Variants in STXBP5L observed in about 807,000 individuals in gnomAD.
The protein encoded by STXBP5L is syntaxin-binding protein 5-like.
A neutral mutation model predicts 144.5 loss-of-function variants in STXBP5L; 65 were observed. That is an observed-to-expected ratio of 0.45 (90% CI 0.37 to 0.55). STXBP5L has a LOEUF of 0.55. Among genes scored for constraint, STXBP5L ranks in the 20% least tolerant of loss-of-function variants. The pLI, the probability that STXBP5L is intolerant of heterozygous loss-of-function variation, is 0.00. For synonymous variants in STXBP5L, 505 were observed against 469.6 expected (o/e 1.08, Z -0.97); for missense variants, 1,298 against 1,405.5 (o/e 0.92, Z 1.22).
At chr3:121,200,567 T>A (rs1365585102) in intron 9 of STXBP5L, among the ~76,000 whole-genome samples, 1 of 152,182 alleles carries the variant, frequency 6.6e-6, no homozygotes, top group Non-Finnish European at 1.5e-5. Flanking sequence ...TTCATTGTGA[T>A]GTTAGTGTGT....
At chr3:121,410,479 C>A (rs922863994) in intron 23 of STXBP5L, among the ~76,000 whole-genome samples, 1 of 152,024 alleles carries the variant, frequency 6.6e-6, no homozygotes, top group Non-Finnish European at 1.5e-5. Flanking sequence ...ATGAATCCTA[C>A]AAATTAGCAT....
chr3:120,911,772 A>G lies in STXBP5L; in HGVS notation c.189+2005A>G, dbSNP rs139488246. 1.1e-4 allele frequency among the ~76,000 whole-genome samples: 17 copies of G among 152,166 alleles called. No individual in the cohort carries two copies. In the East Asian group the frequency reaches 3.1e-3, roughly 28 times the overall value. On this transcript the variant is annotated intron_variant, in intron 2 of 26. Coordinates refer to ENST00000471454, the MANE Select transcript of STXBP5L (RefSeq NM_001308330.2). ...TACTAAATGTGGAAAATACTGTAAC[A>G]TCTTTGGATAGGAATATAGTTAATT... is the stretch of plus-strand genomic sequence containing the variant.
intron 5 of STXBP5L, among the ~76,000 whole-genome samples, chr3:121,096,711 CT>C (rs1469871603): frequency 6.6e-6 from 1 of 151,992 alleles, no homozygotes; most frequent in Non-Finnish European, 1.5e-5. Flanking sequence ...GTTTTTTCCT[CT>C]GGAATCTTTG....
intron 5 of STXBP5L, among the ~76,000 whole-genome samples, chr3:121,073,182 C>G (rs1051186694): frequency 6.6e-6 from 1 of 152,200 alleles, no homozygotes; most frequent in African/African-American, 2.4e-5. Flanking sequence ...CCACTGTTTC[C>G]ACACAACAGT....
chr3:121,264,575 G>A (rs1323486074), intron 18 of STXBP5L, among the ~76,000 whole-genome samples: 1 of 151,976 alleles, frequency 6.6e-6, no homozygotes, highest in African/African-American at 2.4e-5. Context: ...CAACTAACAG[G>A]CAAAATAACC....
intron 22 of STXBP5L, among the ~76,000 whole-genome samples, chr3:121,393,189 A>T (rs7645849): frequency 6.7e-6 from 1 of 150,118 alleles, no homozygotes. Flanking sequence ...ATGATGTTGA[A>T]CATTTTTTTT....
In STXBP5L at chr3:121,205,908, A is replaced by T. The variant is rs549084359; in HGVS notation, c.878-15A>T. On this transcript the variant is annotated splice_polypyrimidine_tract_variant and intron_variant, in intron 9 of 26. Transcript: ENST00000471454. ...TAATTTAAATTAGATTCAATTAAATATTTTTTTTCTTTAGGAAAAAGTCAA... is the reference window on the plus strand; with the variant it reads ...TAATTTAAATTAGATTCAATTAAATTTTTTTTTTCTTTAGGAAAAAGTCAA... The T allele has an allele frequency of 1.2e-4, 159 of 1,311,812 alleles. 1 individual carries two copies. In the East Asian group the frequency reaches 3.9e-3, roughly 32 times the overall value. The allele number at this position is 1,311,812 out of a possible 1,614,324, so 81.3% of individuals were successfully genotyped here.
At chr3:121,217,114 A>C (rs553021181) in intron 10 of STXBP5L, among the ~76,000 whole-genome samples, 3 of 152,142 alleles carry the variant, frequency 2.0e-5, no homozygotes, top group Non-Finnish European at 4.4e-5. Context: ...TTAGCTTGCT[A>C]TGCTCTGTGG....
At chr3:121,306,627 C>G (rs1013539003) in intron 19 of STXBP5L, among the ~76,000 whole-genome samples, 3 of 152,090 alleles carry the variant, frequency 2.0e-5, no homozygotes, top group Non-Finnish European at 2.9e-5. Context: ...TGGGAAAGTT[C>G]AAGCCTAAGT....
chr3:121,180,576 A>T (rs1023935377), intron 9 of STXBP5L, among the ~76,000 whole-genome samples: 1 of 152,238 alleles, frequency 6.6e-6, no homozygotes, highest in Non-Finnish European at 1.5e-5. Flanking sequence ...CATAATGAAT[A>T]GAACAGTACC....
At chr3:121,081,897 T>TG (rs1462139482) in intron 5 of STXBP5L, among the ~76,000 whole-genome samples, 5 of 152,232 alleles carry the variant, frequency 3.3e-5, no homozygotes, top group African/African-American at 1.2e-4. Flanking sequence ...GCCTTACTCT[T>TG]GTCCAAGTGT....
At chr3:121,181,668 T>G (rs1220246761) in intron 9 of STXBP5L, among the ~76,000 whole-genome samples, 1 of 149,406 alleles carries the variant, frequency 6.7e-6, no homozygotes, top group Non-Finnish European at 1.5e-5. Context: ...CAAGAGGCAG[T>G]TGGAGGCTTC....
At chr3:121,291,802 G>C (rs924520821) in intron 19 of STXBP5L, among the ~76,000 whole-genome samples, 1 of 151,990 alleles carries the variant, frequency 6.6e-6, no homozygotes, top group African/African-American at 2.4e-5. Flanking sequence ...TATAAAGTGG[G>C]GAAAGGACAC....
intron 5 of STXBP5L, among the ~76,000 whole-genome samples, chr3:121,084,720 C>T (rs1002954081): frequency 1.3e-5 from 2 of 152,046 alleles, no homozygotes; most frequent in Non-Finnish European, 2.9e-5. Context: ...TGGATATATA[C>T]CCAGTAATGA....
chr3:121,093,691 C>T (rs1310301938), intron 5 of STXBP5L, among the ~76,000 whole-genome samples: 1 of 152,108 alleles, frequency 6.6e-6, no homozygotes, highest in East Asian at 1.9e-4. Flanking sequence ...TGCTAGCCGT[C>T]TATCAATTTT....
At chr3:120,941,423 A>G (rs1436929816) in intron 2 of STXBP5L, among the ~76,000 whole-genome samples, 2 of 151,764 alleles carry the variant, frequency 1.3e-5, no homozygotes, top group Non-Finnish European at 3.0e-5. Flanking sequence ...TATATAATTC[A>G]GTTTAATATG....
intron 3 of STXBP5L, among the ~76,000 whole-genome samples, chr3:120,959,690 C>T (rs1457396318): frequency 4.6e-5 from 7 of 152,178 alleles, no homozygotes. Flanking sequence ...GGTGGGAAAA[C>T]TGGCTAGCCA....
intron 5 of STXBP5L, among the ~76,000 whole-genome samples, chr3:121,102,770 C>A (rs2043496505): frequency 6.6e-6 from 1 of 151,810 alleles, no homozygotes; most frequent in Admixed American, 6.6e-5. Context: ...AGATATACTA[C>A]AGAATGGTAG....
chr3:121,092,124 GT>G (rs1424557526), intron 5 of STXBP5L, among the ~76,000 whole-genome samples: 1 of 151,060 alleles, frequency 6.6e-6, no homozygotes, highest in Non-Finnish European at 1.5e-5. Context: ...TGTTCTATTG[GT>G]CTATATCTCT....
Sources: allele counts gnomAD v4.1 joint callset (sites outside exome capture counted in the v4.1 genomes callset), GRCh38; gene constraint gnomAD v4.1.1; transcripts MANE v1.5; gene names NCBI Gene and HGNC (gene_info 2026-07-23, HGNC 2026-07-21).